Variants in HPCAL1 observed in about 807,000 individuals in gnomAD.
HPCAL1 encodes the protein hippocalcin-like protein 1.
HPCAL1 carries 8 observed loss-of-function variants against 17.1 expected under a neutral mutation model. The ratio of observed to expected loss-of-function variants is 0.47; its 90% CI spans 0.27 to 0.84. The LOEUF (loss-of-function observed/expected upper bound fraction) is 0.84. Ranked by LOEUF, HPCAL1 falls within the 40% of genes least tolerant of loss-of-function variation. The pLI, the probability that HPCAL1 is intolerant of heterozygous loss-of-function variation, is 0.13. For missense variants in HPCAL1, 165 were observed against 271.1 expected (o/e 0.61, Z 2.75); for synonymous variants, 112 against 111.4 (o/e 1.01, Z -0.03).
In HPCAL1 at chr2:10,310,949, C is replaced by G. The variant is rs1662919746; in HGVS notation, c.-111+7772C>G. On this transcript the variant is annotated intron_variant, in intron 1 of 4. Transcript: ENST00000307845. The surrounding 1 kb of genome is among the most constrained non-coding windows in gnomAD (Gnocchi z 4.5). ...ACTCCCATCTTTTCTATTTGCTGCC[C>G]TGTAATCAATTTTTGGAGAGAAGTG... is the stretch of plus-strand genomic sequence containing the variant. 1.3e-5 allele frequency among the ~76,000 whole-genome samples: 2 copies of G among 152,182 alleles called. No homozygotes were observed. The highest frequency in any genetic ancestry group is 1.3e-4 in the Admixed American group (2 of 15,284).
intron 1 of HPCAL1, among the ~76,000 whole-genome samples, chr2:10,336,112 A>T: frequency 6.8e-6 from 1 of 147,906 alleles, no homozygotes; most frequent in African/African-American, 2.6e-5. Flanking sequence ...TTCTGCTGTA[A>T]ATTAATTGCA....
At chr2:10,335,296 T>C (rs1218126615) in intron 1 of HPCAL1, among the ~76,000 whole-genome samples, 2 of 152,232 alleles carry the variant, frequency 1.3e-5, no homozygotes, top group African/African-American at 4.8e-5. Context: ...CCTCTTGGAT[T>C]GCCAGCCCTG....
At chr2:10,387,208 TC>T (rs1452180871) in intron 1 of HPCAL1, among the ~76,000 whole-genome samples, 5 of 152,112 alleles carry the variant, frequency 3.3e-5, no homozygotes, top group Non-Finnish European at 7.4e-5. Context: ...GGACCATGAG[TC>T]CAAAGAGTAG....
chr2:10,326,489 G>T (rs113005554), intron 1 of HPCAL1, among the ~76,000 whole-genome samples: 10 of 152,176 alleles, frequency 6.6e-5, no homozygotes, highest in East Asian at 5.8e-4. Context: ...GGAGACTTGT[G>T]GGGGGAATTG....
intron 1 of HPCAL1, among the ~76,000 whole-genome samples, chr2:10,386,514 C>A (rs904616769): frequency 3.9e-5 from 6 of 152,076 alleles, no homozygotes; most frequent in Non-Finnish European, 2.9e-5. Flanking sequence ...TACAGGTAAG[C>A]CCTCCCAAGT....
intron 1 of HPCAL1, among the ~76,000 whole-genome samples, chr2:10,390,286 TCTC>T (rs1180218728): frequency 1.3e-5 from 2 of 152,150 alleles, no homozygotes; most frequent in Non-Finnish European, 2.9e-5. Context: ...ACCCTGGTGG[TCTC>T]CTCAGGACAC....
intron 1 of HPCAL1, among the ~76,000 whole-genome samples, chr2:10,321,344 C>G (rs1417590316): frequency 6.6e-6 from 1 of 152,054 alleles, no homozygotes; most frequent in Non-Finnish European, 1.5e-5. Flanking sequence ...AGGCCTCATC[C>G]CCAACTCTGG....
At chr2:10,396,100 C>G (rs112414705) in intron 1 of HPCAL1, among the ~76,000 whole-genome samples, 3 of 152,284 alleles carry the variant, frequency 2.0e-5, no homozygotes, top group Admixed American at 6.5e-5. Context: ...GTGGGAGTGG[C>G]CGAGCACCTA....
chr2:10,328,625 C>T (rs982368235), intron 1 of HPCAL1, among the ~76,000 whole-genome samples: 2 of 152,172 alleles, frequency 1.3e-5, no homozygotes, highest in Non-Finnish European at 2.9e-5. Flanking sequence ...GGTTCTCAGG[C>T]CTCTGGGCTT....
chr2:10,381,339 C>T (rs1667930047), intron 1 of HPCAL1, among the ~76,000 whole-genome samples: 2 of 152,248 alleles, frequency 1.3e-5, no homozygotes, highest in Admixed American at 1.3e-4. Flanking sequence ...GGGACCTTGA[C>T]TCTCCCTTCC....
Position 10,331,951 on chromosome 2 carries a change from G to T in HPCAL1, c.-111+28774G>T, listed in dbSNP as rs1664411224. Among the ~76,000 whole-genome samples, 1 of 151,700 alleles carries T rather than the reference G, an allele frequency of 6.6e-6. No individual in the cohort carries two copies. Among genetic ancestry groups the T allele is most frequent in the Non-Finnish European group, 1.5e-5 (1 of 67,894 alleles). ...ATTTATGAGCCCCGTGTCACCTGTT[G>T]TTGCTTCACAGGGAGCACTCCTTGT... On this transcript the variant is annotated intron_variant, in intron 1 of 4. Coordinates refer to ENST00000307845, the MANE Select transcript of HPCAL1 (RefSeq NM_002149.4). The surrounding 1 kb of genome is among the most constrained non-coding windows in gnomAD (Gnocchi z 5.0).
rs1671079671 is a variant in HPCAL1 at position 10,421,822 on chromosome 2, G to T, written c.379-1161G>T. ...ATCAAATCCGTGAACTTCTGCAGCA[G>T]CAGTGGCCCGCCTCAGGAATGAGCG... On this transcript the variant is annotated intron_variant, in intron 3 of 4. Transcript: ENST00000307845. Among the ~76,000 whole-genome samples, 4 of 152,226 alleles carry T rather than the reference G, an allele frequency of 2.6e-5. No homozygotes were observed. The South Asian group carries it at 8.3e-4, about 32-fold the overall frequency.
At chr2:10,385,283 C>T (rs1028157011) in intron 1 of HPCAL1, among the ~76,000 whole-genome samples, 2 of 152,150 alleles carry the variant, frequency 1.3e-5, no homozygotes, top group Non-Finnish European at 2.9e-5. Context: ...GCTGGCCTGC[C>T]GAGCTTACGT....
At position 10,426,961 on chromosome 2, in the gene HPCAL1, G is replaced by A. The variant is rs543904905; in HGVS notation, c.*140G>A. ...GGCATGCGTTGCACCTGCCCAGCCC[G>A]GTGGCTGCGCCTCCCTCCTCCACCT... is the stretch of plus-strand genomic sequence containing the variant. On this transcript the variant is annotated 3_prime_UTR_variant, in exon 5 of 5. Coordinates refer to ENST00000307845, the MANE Select transcript of HPCAL1 (RefSeq NM_002149.4). 70 of 695,380 alleles carry A rather than the reference G, an allele frequency of 1.0e-4. 1 individual carries two copies. In the African/African-American group the frequency reaches 1.0e-3, roughly 10 times the overall value. 43.1% of individuals were successfully genotyped at this position (695,380 alleles called of 1,614,324 possible). A position where few individuals can be genotyped will look rare whatever the true frequency, so the allele number is the denominator to read the frequency against.
At chr2:10,313,793 A>G (rs1290968858) in intron 1 of HPCAL1, among the ~76,000 whole-genome samples, 1 of 152,254 alleles carries the variant, frequency 6.6e-6, no homozygotes, top group Non-Finnish European at 1.5e-5. Flanking sequence ...TACATCCAAC[A>G]TAGAGCAAAG....
chr2:10,324,894 C>T (rs1461628619), intron 1 of HPCAL1, among the ~76,000 whole-genome samples: 1 of 141,318 alleles, frequency 7.1e-6, no homozygotes, highest in Non-Finnish European at 1.5e-5. Context: ...ATGATCTTGG[C>T]TCACTGCAAT....
rs933357716 is a variant in HPCAL1, at chr2:10,394,018, G to A, written c.-110-2817G>A. Among the ~76,000 whole-genome samples, 1 of 151,854 alleles carries A rather than the reference G, an allele frequency of 6.6e-6. No homozygotes were observed. Among genetic ancestry groups the A allele is most frequent in the Non-Finnish European group, 1.5e-5 (1 of 67,984 alleles). On this transcript the variant is annotated intron_variant, in intron 1 of 4. Transcript: ENST00000307845. This position sits in a 1 kb window ranked among gnomAD's most constrained non-coding sequence, Gnocchi z 5.0. ...TAGTCCCAGTTACTTGGGAGGCTGA[G>A]GCTGGAGGATTGCTTGAGCCTGGGA... is the stretch of plus-strand genomic sequence containing the variant.
chr2:10,369,618 G>A (rs2125507392), intron 1 of HPCAL1, among the ~76,000 whole-genome samples: 1 of 152,350 alleles, frequency 6.6e-6, no homozygotes, highest in South Asian at 2.1e-4. Context: ...GGCAGAGGGA[G>A]GTGGGCTCTG....
At chr2:10,337,622 C>A (rs1368569834) in intron 1 of HPCAL1, among the ~76,000 whole-genome samples, 1 of 152,176 alleles carries the variant, frequency 6.6e-6, no homozygotes, top group Non-Finnish European at 1.5e-5. Context: ...CTCAGAGAGG[C>A]TGAGAAATGT....
Sources: allele counts gnomAD v4.1 joint callset (sites outside exome capture counted in the v4.1 genomes callset), GRCh38; gene constraint gnomAD v4.1.1; non-coding constraint Gnocchi (gnomAD v3.1); transcripts MANE v1.5; gene names NCBI Gene and HGNC (gene_info 2026-07-23, HGNC 2026-07-21).